Variants in ARHGAP10 observed in about 807,000 individuals in gnomAD.
ARHGAP10 encodes the protein Rho GTPase activating protein 10, also known as rho GTPase-activating protein 10.
Under a neutral mutation model 108.6 loss-of-function variants are expected in ARHGAP10, and 87 were observed. The ratio of observed to expected loss-of-function variants is 0.80; its 90% CI spans 0.67 to 0.96. ARHGAP10 has a LOEUF of 0.96. ARHGAP10 is among the 40% of genes least tolerant of loss of function. The probability of loss-of-function intolerance (pLI) is 0.00; values close to 1 mark genes in which losing one functional copy is unlikely to be tolerated. For missense variants in ARHGAP10, 939 were observed against 954.5 expected, an observed-to-expected ratio of 0.98 and a Z score of 0.21; for synonymous variants, 347 against 341.1, an observed-to-expected ratio of 1.02 and a Z score of -0.19.
chr4:147,908,123 C>T (rs182274949), intron 11 of ARHGAP10, among the ~76,000 whole-genome samples: 1 of 152,172 alleles, frequency 6.6e-6, no homozygotes, highest in Non-Finnish European at 1.5e-5. Context: ...GGATTACAGG[C>T]ATGAGCCACC....
chr4:147,755,784 GGT>G (rs1282837187), intron 1 of ARHGAP10, among the ~76,000 whole-genome samples: 3 of 151,970 alleles, frequency 2.0e-5, no homozygotes, highest in African/African-American at 4.8e-5. Context: ...GTGGGGTGTG[GGT>G]GTGTGTGAGT....
chr4:147,848,619 T>C (rs1309744017), intron 4 of ARHGAP10, among the ~76,000 whole-genome samples: 3 of 152,248 alleles, frequency 2.0e-5, no homozygotes, highest in Non-Finnish European at 4.4e-5. Context: ...TTGGCAGGTA[T>C]TCCGTGTAAA....
At chr4:147,895,156 A>T (rs1735938256) in intron 10 of ARHGAP10, among the ~76,000 whole-genome samples, 1 of 152,118 alleles carries the variant, frequency 6.6e-6, no homozygotes, top group African/African-American at 2.4e-5. Context: ...CATAGAAGTC[A>T]TGGGCATTTT....
At chr4:147,781,716 C>T (rs887690980) in intron 1 of ARHGAP10, among the ~76,000 whole-genome samples, 2 of 134,392 alleles carry the variant, frequency 1.5e-5, no homozygotes, top group African/African-American at 3.0e-5. Context: ...CTTGCTCTGT[C>T]GCCCAGGCTG....
At chr4:148,004,098 G>A (rs2149648179) in intron 18 of ARHGAP10, among the ~76,000 whole-genome samples, 1 of 152,334 alleles carries the variant, frequency 6.6e-6, no homozygotes, top group Admixed American at 6.5e-5. Flanking sequence ...GTCCAGTGGT[G>A]CACGCCTGTA....
At chr4:148,036,975 G>A (rs1330242308) in intron 19 of ARHGAP10, among the ~76,000 whole-genome samples, 1 of 152,176 alleles carries the variant, frequency 6.6e-6, no homozygotes, top group African/African-American at 2.4e-5. Flanking sequence ...TGAGGAATGA[G>A]CTACTTGGAA....
chr4:147,950,409 G>C (rs1312718746), intron 15 of ARHGAP10, among the ~76,000 whole-genome samples: 1 of 152,202 alleles, frequency 6.6e-6, no homozygotes, highest in African/African-American at 2.4e-5. Context: ...CAGGAGGTCT[G>C]GAGCCAGCCT....
At chr4:147,860,207 C>G (rs1734257380) in intron 5 of ARHGAP10, among the ~76,000 whole-genome samples, 1 of 152,198 alleles carries the variant, frequency 6.6e-6, no homozygotes, top group Non-Finnish European at 1.5e-5. Flanking sequence ...CTGTGGGAGG[C>G]CGAGGCGGGT....
At chr4:147,963,805 C>G (rs1485788685) in intron 16 of ARHGAP10, among the ~76,000 whole-genome samples, 1 of 152,194 alleles carries the variant, frequency 6.6e-6, no homozygotes, top group East Asian at 1.9e-4. Flanking sequence ...GCTGGCCGTC[C>G]TTAGTATCCC....
chr4:147,893,627 T>G (rs1438794430), intron 10 of ARHGAP10, among the ~76,000 whole-genome samples: 2 of 149,066 alleles, frequency 1.3e-5, no homozygotes, highest in Non-Finnish European at 3.0e-5. Flanking sequence ...ATATATATAT[T>G]TCAATAAAAA....
chr4:148,029,588 T>G (rs772767715), intron 19 of ARHGAP10, among the ~76,000 whole-genome samples: 19 of 152,214 alleles, frequency 1.2e-4, no homozygotes, highest in Non-Finnish European at 2.1e-4. Context: ...TGATGCAGAT[T>G]ATAATCAATC....
At chr4:147,747,175 G>A (rs1728962877) in intron 1 of ARHGAP10, among the ~76,000 whole-genome samples, 1 of 150,554 alleles carries the variant, frequency 6.6e-6, no homozygotes, top group Non-Finnish European at 1.5e-5. Flanking sequence ...TTCCCCCAAA[G>A]TATTAAAACC....
chr4:148,010,782 G>A (rs1402184617), intron 18 of ARHGAP10, among the ~76,000 whole-genome samples: 1 of 152,154 alleles, frequency 6.6e-6, no homozygotes, highest in Non-Finnish European at 1.5e-5. Context: ...ATCAGAATCT[G>A]CATTTGAATA....
intron 3 of ARHGAP10, among the ~76,000 whole-genome samples, chr4:147,843,463 G>A (rs763720360): frequency 1.3e-5 from 2 of 152,090 alleles, no homozygotes; most frequent in Non-Finnish European, 2.9e-5. Context: ...GGATATTGCT[G>A]AGCTCTCATT....
chr4:147,905,024 T>G (rs1489184993), intron 10 of ARHGAP10, among the ~76,000 whole-genome samples: 1 of 152,228 alleles, frequency 6.6e-6, no homozygotes, highest in African/African-American at 2.4e-5. Context: ...GCTGCATAAA[T>G]GTCTTCTTTT....
intron 18 of ARHGAP10, among the ~76,000 whole-genome samples, chr4:148,018,138 G>A (rs1157851873): frequency 6.6e-6 from 1 of 152,122 alleles, no homozygotes; most frequent in African/African-American, 2.4e-5. Flanking sequence ...TTGTAAATAC[G>A]TAGGTGCTGT....
chr4:147,922,379 C>G (rs973009134), intron 13 of ARHGAP10, among the ~76,000 whole-genome samples: 47 of 151,652 alleles, frequency 3.1e-4, no homozygotes, highest in African/African-American at 1.1e-3. Flanking sequence ...CTCTCAGACC[C>G]TTAGTTCCTT....
Position 147,766,815 on chromosome 4 carries a change from TA to T in ARHGAP10, c.154+34361del, listed in dbSNP as rs1473338595. On this transcript the variant is annotated intron_variant, in intron 1 of 22. Transcript: ENST00000336498. ...ATATATTCACATATATATATATATA[TA>T]TATATATATATATATATATATATTT... is the stretch of plus-strand genomic sequence containing the variant. 0.026 allele frequency among the ~76,000 whole-genome samples: 244 copies of T among 9,404 alleles called. 2 individuals carry two copies. The Non-Finnish European group carries it at 0.27, about 10-fold the overall frequency. 6.2% of individuals were successfully genotyped at this position (9,404 alleles called of 152,430 possible).
chr4:147,987,031 C>G (rs534126616), intron 18 of ARHGAP10, among the ~76,000 whole-genome samples: 1 of 152,122 alleles, frequency 6.6e-6, no homozygotes. Context: ...GGGATTATTG[C>G]GGATTGAACT....
Sources: allele counts gnomAD v4.1 joint callset (sites outside exome capture counted in the v4.1 genomes callset), GRCh38; gene constraint gnomAD v4.1.1; transcripts MANE v1.5; gene names NCBI Gene and HGNC (gene_info 2026-07-23, HGNC 2026-07-21).